Variants in STK3 observed in about 807,000 individuals in gnomAD.
STK3 encodes serine/threonine kinase 3, also known as serine/threonine-protein kinase 3.
STK3 carries 41 observed loss-of-function variants against 58.0 expected under a neutral mutation model. That is an observed-to-expected ratio of 0.71 (90% CI 0.55 to 0.92). The LOEUF (loss-of-function observed/expected upper bound fraction) is 0.92, where lower values mean the gene tolerates loss of function less well. Among genes scored for constraint, STK3 ranks in the 40% least tolerant of loss-of-function variants. STK3 has a pLI of 0.00. For synonymous variants in STK3, 170 were observed against 191.0 expected (o/e 0.89, Z 0.91); for missense variants, 479 against 602.7 (o/e 0.79, Z 2.15).
intron 3 of STK3, among the ~76,000 whole-genome samples, chr8:98,750,315 C>T (rs528077064): frequency 7.6e-4 from 114 of 150,426 alleles, no homozygotes; most frequent in African/African-American, 2.6e-3. Context: ...TAAAGGTACA[C>T]AAATAGAAAG....
At chr8:98,811,410 G>A (rs1802246070) in intron 1 of STK3, among the ~76,000 whole-genome samples, 1 of 152,034 alleles carries the variant, frequency 6.6e-6, no homozygotes, top group Admixed American at 6.6e-5. Context: ...CTATGTGCTA[G>A]GCATGATCCT....
intron 7 of STK3, among the ~76,000 whole-genome samples, chr8:98,585,823 G>C (rs1375894159): frequency 6.6e-6 from 1 of 151,858 alleles, no homozygotes; most frequent in South Asian, 2.1e-4. Flanking sequence ...TCCCTTGTAA[G>C]TTGGATTCCT....
chr8:98,568,721 T>C (rs553263575), intron 8 of STK3, among the ~76,000 whole-genome samples: 2 of 151,508 alleles, frequency 1.3e-5, no homozygotes, highest in South Asian at 2.1e-4. Context: ...ATATCTGATA[T>C]GAAAAAATAG....
intron 1 of STK3, among the ~76,000 whole-genome samples, chr8:98,934,761 C>A (rs2132047421): frequency 6.6e-6 from 1 of 151,968 alleles, no homozygotes; most frequent in African/African-American, 2.4e-5. Flanking sequence ...ACTAAAAATA[C>A]AAAAATCAGC....
At chr8:98,936,397 C>T (rs1220137911) in intron 1 of STK3, among the ~76,000 whole-genome samples, 1 of 152,112 alleles carries the variant, frequency 6.6e-6, no homozygotes, top group Non-Finnish European at 1.5e-5. Context: ...TCCCAGTAGA[C>T]CATAGCTCCA....
chr8:98,651,412 GA>G (rs1047554316), intron 6 of STK3: 2 of 152,258 alleles, frequency 1.3e-5, no homozygotes, highest in African/African-American at 4.8e-5. Context: ...AGAAAAACTG[GA>G]AACTCTAAAA....
the STK3 span, among the ~76,000 whole-genome samples, chr8:98,356,009 G>C: frequency 6.6e-6 from 1 of 152,198 alleles, no homozygotes; most frequent in Admixed American, 6.5e-5. Context: ...TAATGCAATG[G>C]GCTTGTGATG....
chr8:98,532,544 T>A (rs1410360043), intron 9 of STK3, among the ~76,000 whole-genome samples: 1 of 152,056 alleles, frequency 6.6e-6, no homozygotes, highest in African/African-American at 2.4e-5. Context: ...AAATACAAAG[T>A]GAGCACATAA....
chr8:98,491,162 C>CGAGAGAGAGAGA (rs61704241), intron 10 of STK3, among the ~76,000 whole-genome samples: 72 of 142,940 alleles, frequency 5.0e-4, no homozygotes, highest in African/African-American at 9.2e-4. Context: ...AAAATAAACA[C>CGAGAGAGAGAGA]GAGAGAGAGA....
intron 10 of STK3, among the ~76,000 whole-genome samples, chr8:98,467,763 T>C (rs916601788): frequency 1.3e-5 from 2 of 152,200 alleles, no homozygotes; most frequent in Non-Finnish European, 2.9e-5. Flanking sequence ...CTTAGAATAA[T>C]GGCTTCTCTC....
downstream of STK3, among the ~76,000 whole-genome samples, chr8:98,397,136 CTGAG>C (rs1293690736): frequency 2.0e-5 from 3 of 152,192 alleles, no homozygotes; most frequent in African/African-American, 7.2e-5. Context: ...CAGTAGTGTT[CTGAG>C]TTTTACTCCT....
chr8:98,811,795 T>C (rs118096682), intron 1 of STK3, among the ~76,000 whole-genome samples: 1 of 152,220 alleles, frequency 6.6e-6, no homozygotes, highest in African/African-American at 2.4e-5. Flanking sequence ...AGGAAGTACA[T>C]TTTTACCTCA....
chr8:98,496,261 T>G (rs1460819564), intron 10 of STK3, among the ~76,000 whole-genome samples: 1 of 151,984 alleles, frequency 6.6e-6, no homozygotes, highest in African/African-American at 2.4e-5. Context: ...ATGTAGAAAA[T>G]CATAAGGAAT....
chr8:98,489,274 G>A (rs1488746886), intron 10 of STK3, among the ~76,000 whole-genome samples: 1 of 151,796 alleles, frequency 6.6e-6, no homozygotes, highest in African/African-American at 2.4e-5. Flanking sequence ...CAACACATAT[G>A]GTGAAATTGT....
intron 6 of STK3, among the ~76,000 whole-genome samples, chr8:98,654,848 T>C (rs1388406181): frequency 6.6e-6 from 1 of 151,936 alleles, no homozygotes; most frequent in African/African-American, 2.4e-5. Flanking sequence ...TACAAACAAA[T>C]GCAAGAACAT....
chr8:98,633,318 A>G lies in STK3; in HGVS notation c.685-37149T>C, dbSNP rs182025522. ...TGCAGAGCCCAAGGTCTTACATGAC[A>G]CCCTTAAAAATTTGGCTATTAATGG... On this transcript the variant is annotated intron_variant, in intron 6 of 10. Coordinates refer to ENST00000419617, the MANE Select transcript of STK3 (RefSeq NM_006281.4). Among the ~76,000 whole-genome samples the G allele has an allele frequency of 5.1e-4, 78 of 152,346 alleles. 1 individual carries two copies. The highest frequency in any genetic ancestry group is 1.7e-3 in the African/African-American group (72 of 41,592).
At chr8:98,569,147 A>G (rs891955705) in intron 8 of STK3, among the ~76,000 whole-genome samples, 1 of 152,188 alleles carries the variant, frequency 6.6e-6, no homozygotes, top group Admixed American at 6.5e-5. Context: ...TCAAAATTAT[A>G]AAAGAAAGTT....
intron 1 of STK3, among the ~76,000 whole-genome samples, chr8:98,447,588 A>G (rs1180900047): frequency 6.8e-6 from 1 of 147,560 alleles, no homozygotes; most frequent in Middle Eastern, 3.6e-3. Context: ...AATACTATAT[A>G]TAGTATCTAT....
chr8:98,878,525 A>AT (rs1837652268), intron 3 of STK3, among the ~76,000 whole-genome samples: 1 of 151,660 alleles, frequency 6.6e-6, no homozygotes, highest in Admixed American at 6.6e-5. Flanking sequence ...TGTCATAACC[A>AT]TTTTTCCCGC....
Sources: gnomAD v4.1 joint callset for allele counts (sites outside exome capture counted in the v4.1 genomes callset) on GRCh38, gnomAD v4.1.1 for gene constraint, MANE v1.5 for transcripts, NCBI Gene and HGNC (gene_info 2026-07-23, HGNC 2026-07-21) for gene names.